The following CDKAL1 variants were observed in gnomAD, a reference collection of about 807,000 sequenced individuals.
The protein encoded by CDKAL1 is CDKAL1 threonylcarbamoyladenosine tRNA methylthiotransferase, also known as threonylcarbamoyladenosine tRNA methylthiotransferase.
CDKAL1 carries 32 observed loss-of-function variants against 68.2 expected under a neutral mutation model. That is an observed-to-expected ratio of 0.47 (90% CI 0.35 to 0.63). The LOEUF (loss-of-function observed/expected upper bound fraction) is 0.63, where lower values mean the gene tolerates loss of function less well. CDKAL1 is among the 30% of genes least tolerant of loss of function. The pLI is 0.00. For synonymous variants in CDKAL1, 234 were observed against 244.3 expected, an observed-to-expected ratio of 0.96 and a Z score of 0.39; for missense variants, 606 against 696.7, an observed-to-expected ratio of 0.87 and a Z score of 1.47.
chr6:20,964,312 C>T (rs374560781), intron 10 of CDKAL1, among the ~76,000 whole-genome samples: 5 of 152,264 alleles, frequency 3.3e-5, no homozygotes, highest in South Asian at 2.1e-4. Context: ...TTACTGGGTA[C>T]ATACCCAAAG....
intron 5 of CDKAL1, among the ~76,000 whole-genome samples, chr6:20,731,242 T>C (rs1772911961): frequency 6.6e-6 from 1 of 152,112 alleles, no homozygotes. Context: ...AGGAGAAGAG[T>C]ACCATGTTCT....
chr6:20,786,688 G>A (rs906648582), intron 8 of CDKAL1, among the ~76,000 whole-genome samples: 2 of 151,672 alleles, frequency 1.3e-5, no homozygotes, highest in Non-Finnish European at 2.9e-5. Context: ...TAGTGGAGAC[G>A]AGGTTTCACC....
chr6:20,798,510 A>G (rs1204411467), intron 8 of CDKAL1, among the ~76,000 whole-genome samples: 1 of 152,132 alleles, frequency 6.6e-6, no homozygotes, highest in Non-Finnish European at 1.5e-5. Flanking sequence ...CTTGGAACCA[A>G]CCCAAATGTC....
intron 9 of CDKAL1, among the ~76,000 whole-genome samples, chr6:20,925,252 T>G (rs372968729): frequency 6.6e-6 from 1 of 152,230 alleles, no homozygotes; most frequent in Non-Finnish European, 1.5e-5. Context: ...AATCAAGGTA[T>G]GTACACTTTT....
At chr6:21,020,441 C>A (rs1768582609) in intron 11 of CDKAL1, among the ~76,000 whole-genome samples, 1 of 152,088 alleles carries the variant, frequency 6.6e-6, no homozygotes, top group South Asian at 2.1e-4. Flanking sequence ...GGTACTATTA[C>A]GTACTTCTGT....
intron 9 of CDKAL1, among the ~76,000 whole-genome samples, chr6:20,863,419 C>A (rs978082629): frequency 1.3e-5 from 2 of 152,084 alleles, no homozygotes; most frequent in Non-Finnish European, 2.9e-5. Flanking sequence ...TCAGTAAAGA[C>A]CCCTTGGGTC....
chr6:21,166,231 A>T (rs921902017), intron 13 of CDKAL1, among the ~76,000 whole-genome samples: 1 of 152,136 alleles, frequency 6.6e-6, no homozygotes, highest in African/African-American at 2.4e-5. Flanking sequence ...AGATAACTTC[A>T]TGTAGTTTTT....
At chr6:20,733,073 C>G (rs1773030821) in intron 5 of CDKAL1, among the ~76,000 whole-genome samples, 1 of 152,180 alleles carries the variant, frequency 6.6e-6, no homozygotes, top group African/African-American at 2.4e-5. Flanking sequence ...CGCCCCAGTG[C>G]CCCTGACCTT....
chr6:20,789,314 T>C (rs930043042), intron 8 of CDKAL1, among the ~76,000 whole-genome samples: 1 of 152,218 alleles, frequency 6.6e-6, no homozygotes, highest in Admixed American at 6.5e-5. Flanking sequence ...TATAAGACTG[T>C]ACTTGGGAAA....
intron 11 of CDKAL1, among the ~76,000 whole-genome samples, chr6:21,028,893 A>G (rs1769104571): frequency 6.6e-6 from 1 of 152,190 alleles, no homozygotes; most frequent in Non-Finnish European, 1.5e-5. Flanking sequence ...TCTCCAAGCA[A>G]ACATCACATC....
At position 21,155,704 on chromosome 6, in the gene CDKAL1, T is replaced by G. The variant is rs1448506815; in HGVS notation, c.1300-42317T>G. Among the ~76,000 whole-genome samples, 6 of 152,222 alleles carry G rather than the reference T, an allele frequency of 3.9e-5. No individual in the cohort carries two copies. The South Asian group carries it at 1.0e-3, about 26-fold the overall frequency. Reference sequence around the variant, plus strand: ...ACTTTGCAATTTGGTGATTATTCATTATGTTCAAGAGACCTGTTTCCCATG... The same window carrying G: ...ACTTTGCAATTTGGTGATTATTCATGATGTTCAAGAGACCTGTTTCCCATG... On this transcript the variant is annotated intron_variant, in intron 13 of 15. Transcript: ENST00000274695.
At chr6:20,541,565 T>G (rs901944413) in intron 2 of CDKAL1, among the ~76,000 whole-genome samples, 2 of 152,196 alleles carry the variant, frequency 1.3e-5, no homozygotes, top group Non-Finnish European at 2.9e-5. Flanking sequence ...TGACTGACCT[T>G]GAACTGGTCA....
intron 10 of CDKAL1, among the ~76,000 whole-genome samples, chr6:20,975,939 G>C (rs1409376145): frequency 6.6e-6 from 1 of 152,066 alleles, no homozygotes; most frequent in Non-Finnish European, 1.5e-5. Context: ...TATTCTTTGG[G>C]TTTTGACAAA....
intron 6 of CDKAL1, among the ~76,000 whole-genome samples, chr6:20,748,182 G>A (rs2819991): frequency 0.056 from 8,528 of 152,146 alleles, 275 homozygotes; most frequent in African/African-American, 0.095. Flanking sequence ...ACACTTTGTG[G>A]TTTAAAATTA....
intron 9 of CDKAL1, among the ~76,000 whole-genome samples, chr6:20,878,168 G>A (rs1276632737): frequency 6.6e-6 from 1 of 152,034 alleles, no homozygotes. Flanking sequence ...GCCCCTACTA[G>A]ACTGTAAGAT....
chr6:20,987,824 G>C (rs1766555960), intron 10 of CDKAL1, among the ~76,000 whole-genome samples: 1 of 152,012 alleles, frequency 6.6e-6, no homozygotes, highest in African/African-American at 2.4e-5. Flanking sequence ...CTGTTGCCCA[G>C]GTTGGAGTGT....
intron 4 of CDKAL1, among the ~76,000 whole-genome samples, chr6:20,626,194 T>C (rs1170941049): frequency 6.6e-6 from 1 of 152,190 alleles, no homozygotes; most frequent in Non-Finnish European, 1.5e-5. Context: ...TTTTTTCCAA[T>C]GCCTCTGTTA....
chr6:20,536,486 C>G (rs1763177165), intron 2 of CDKAL1, among the ~76,000 whole-genome samples: 1 of 151,554 alleles, frequency 6.6e-6, no homozygotes, highest in African/African-American at 2.4e-5. Flanking sequence ...ATCCCAGTGT[C>G]ATTTGTTGAA....
chr6:20,648,387 C>G (rs1366310916), intron 4 of CDKAL1, among the ~76,000 whole-genome samples: 2 of 152,076 alleles, frequency 1.3e-5, no homozygotes, highest in African/African-American at 2.4e-5. Context: ...CACAGCCTCC[C>G]AAAGTGCTGG....
Sources: allele counts gnomAD v4.1 joint callset (sites outside exome capture counted in the v4.1 genomes callset), GRCh38; gene constraint gnomAD v4.1.1; transcripts MANE v1.5; gene names NCBI Gene and HGNC (gene_info 2026-07-23, HGNC 2026-07-21).